PID1: variants seen among roughly 807,000 people sequenced by gnomAD.
PID1 encodes the protein PTB-containing, cubilin and LRP1-interacting protein.
Under a neutral mutation model 19.1 loss-of-function variants are expected in PID1, and 10 were observed. The ratio of observed to expected loss-of-function variants is 0.52; its 90% CI spans 0.32 to 0.89. PID1 has a LOEUF of 0.89. PID1 is among the 40% of genes least tolerant of loss of function. PID1 has a pLI of 0.03. For synonymous variants in PID1, 130 were observed against 116.0 expected, an observed-to-expected ratio of 1.12 and a Z score of -0.78; for missense variants, 248 against 285.3, an observed-to-expected ratio of 0.87 and a Z score of 0.94.
intron 1 of PID1, among the ~76,000 whole-genome samples, chr2:229,206,819 T>G (rs1231518322): frequency 1.3e-5 from 2 of 152,206 alleles, no homozygotes; most frequent in Non-Finnish European, 2.9e-5. Flanking sequence ...GTAAGGTATC[T>G]GTCTTCCAAC....
At chr2:229,163,585 A>C (rs1690532571) in intron 1 of PID1, among the ~76,000 whole-genome samples, 1 of 152,026 alleles carries the variant, frequency 6.6e-6, no homozygotes, top group Admixed American at 6.6e-5. Flanking sequence ...GAGTATGCAA[A>C]AGCCCCCAAG....
rs559368945 is a variant in PID1, at chr2:229,146,415, A to G, written c.177+9403T>C. Reference sequence around the variant, plus strand: ...ACCTAGATGACAGGTTGATAGGTACAGCAAACCACCATGGCACATGTATAC... The same window carrying G: ...ACCTAGATGACAGGTTGATAGGTACGGCAAACCACCATGGCACATGTATAC... On this transcript the variant is annotated intron_variant, in intron 2 of 2. Transcript: ENST00000392055. Among the ~76,000 whole-genome samples the G allele has an allele frequency of 2.6e-5, 4 of 152,290 alleles. No homozygotes were observed. In the South Asian group the frequency reaches 8.3e-4, roughly 32 times the overall value.
intron 1 of PID1, among the ~76,000 whole-genome samples, chr2:229,197,229 G>T (rs766654487): frequency 4.6e-5 from 7 of 151,946 alleles, no homozygotes; most frequent in Non-Finnish European, 1.0e-4. Context: ...AGTAATAGTG[G>T]CAACTTAATT....
intron 1 of PID1, among the ~76,000 whole-genome samples, chr2:229,183,052 T>A (rs1397096579): frequency 6.6e-6 from 1 of 152,226 alleles, no homozygotes; most frequent in Admixed American, 6.5e-5. Flanking sequence ...TATTTGGAAA[T>A]AGGGTCTTTG....
chr2:229,079,709 T>A (rs775414724), intron 2 of PID1, among the ~76,000 whole-genome samples: 2 of 152,260 alleles, frequency 1.3e-5, no homozygotes, highest in Admixed American at 1.3e-4. Flanking sequence ...CATGGAAAGA[T>A]GTAAGATGAG....
intron 2 of PID1, among the ~76,000 whole-genome samples, chr2:229,137,621 C>T (rs1223354649): frequency 6.6e-6 from 1 of 152,170 alleles, no homozygotes; most frequent in African/African-American, 2.4e-5. Flanking sequence ...AAATCAATCT[C>T]TAGGTGCTGA....
chr2:229,052,086 T>C (rs1694007138), intron 2 of PID1, among the ~76,000 whole-genome samples: 1 of 152,180 alleles, frequency 6.6e-6, no homozygotes, highest in African/African-American at 2.4e-5. Context: ...CAGGGGACAT[T>C]GGATAGTTGA....
intron 2 of PID1, among the ~76,000 whole-genome samples, chr2:229,097,285 T>C (rs772318853): frequency 6.6e-6 from 1 of 152,206 alleles, no homozygotes; most frequent in Non-Finnish European, 1.5e-5. Flanking sequence ...TGCTATGTTC[T>C]TTGTCGCATA....
At chr2:229,136,125 G>A (rs895123320) in intron 2 of PID1, among the ~76,000 whole-genome samples, 4 of 152,130 alleles carry the variant, frequency 2.6e-5, no homozygotes, top group African/African-American at 9.7e-5. Context: ...CAACTGCCAC[G>A]TTTTGAGTTG....
chr2:229,236,775 C>T (rs1176727053), intron 1 of PID1, among the ~76,000 whole-genome samples: 2 of 152,068 alleles, frequency 1.3e-5, no homozygotes, highest in African/African-American at 4.8e-5. Context: ...TTACAGAAGA[C>T]AGATAAAGCC....
Position 229,063,882 on chromosome 2 carries a change from C to T in PID1, c.178-37774G>A, listed in dbSNP as rs907166120. ...GATCCATTTATCATAATATAATAACCTTCTTTGTCTCTTTTTACAGTTTTT... is the reference window on the plus strand; with the variant it reads ...GATCCATTTATCATAATATAATAACTTTCTTTGTCTCTTTTTACAGTTTTT... On this transcript the variant is annotated intron_variant, in intron 2 of 2. Transcript: ENST00000392055. 2.0e-5 allele frequency among the ~76,000 whole-genome samples: 3 copies of T among 151,778 alleles called. No homozygotes were observed. The South Asian group carries it at 6.2e-4, about 32-fold the overall frequency.
intron 1 of PID1, among the ~76,000 whole-genome samples, chr2:229,224,551 T>G (rs994471798): frequency 1.3e-5 from 2 of 152,220 alleles, no homozygotes; most frequent in African/African-American, 4.8e-5. Context: ...GCTACCCATT[T>G]ATTCAAACAT....
chr2:229,260,751 A>T (rs1690438586), intron 1 of PID1, among the ~76,000 whole-genome samples: 1 of 151,360 alleles, frequency 6.6e-6, no homozygotes, highest in South Asian at 2.1e-4. Context: ...ATTATTTTGT[A>T]ATTTTTTACA....
rs568142840 is a variant in PID1, at chr2:229,151,202, A to C, written c.177+4616T>G. ...GAAGAAAAGAAACAACTTGCTCAAA[A>C]TCACATGACACAACTGCCCCACCTG... On this transcript the variant is annotated intron_variant, in intron 2 of 2. Coordinates refer to ENST00000392055, the MANE Select transcript of PID1 (RefSeq NM_001100818.2). Among the ~76,000 whole-genome samples, 183 of 152,244 alleles carry C rather than the reference A, an allele frequency of 1.2e-3. 1 individual carries two copies. Among genetic ancestry groups the C allele is most frequent in the African/African-American group, 4.3e-3 (178 of 41,530 alleles).
At chr2:229,039,451 A>G (rs945021156) in intron 2 of PID1, among the ~76,000 whole-genome samples, 1 of 152,206 alleles carries the variant, frequency 6.6e-6, no homozygotes. Context: ...CATCTAAAAG[A>G]GCCATGTAGA....
intron 2 of PID1, among the ~76,000 whole-genome samples, chr2:229,136,109 G>A (rs1326082138): frequency 2.6e-5 from 4 of 152,152 alleles, no homozygotes; most frequent in Non-Finnish European, 5.9e-5. Flanking sequence ...TTGCTCAGAT[G>A]AAAGCCAACT....
intron 1 of PID1, among the ~76,000 whole-genome samples, chr2:229,258,468 GGAGT>G: frequency 6.6e-6 from 1 of 152,178 alleles, no homozygotes; most frequent in Non-Finnish European, 1.5e-5. Context: ...AAAATTCTCA[GGAGT>G]GAGAACAGAA....
intron 1 of PID1, among the ~76,000 whole-genome samples, chr2:229,262,369 T>C (rs10498236): frequency 0.21 from 32,050 of 152,128 alleles, 4,044 homozygotes; most frequent in Non-Finnish European, 0.28. Context: ...CAAGGTTTGC[T>C]GCCTTTTCCT....
At chr2:229,190,618 A>G (rs920064541) in intron 1 of PID1, among the ~76,000 whole-genome samples, 5 of 152,228 alleles carry the variant, frequency 3.3e-5, no homozygotes, top group African/African-American at 1.2e-4. Flanking sequence ...AAAGACTGAG[A>G]ATCTGTTTTA....
Sources: gnomAD v4.1 joint callset for allele counts (sites outside exome capture counted in the v4.1 genomes callset) on GRCh38, gnomAD v4.1.1 for gene constraint, MANE v1.5 for transcripts, NCBI Gene and HGNC (gene_info 2026-07-23, HGNC 2026-07-21) for gene names.